The following CACNB4 variants were observed in gnomAD, a reference collection of about 807,000 sequenced individuals.
CACNB4 encodes the protein voltage-dependent L-type calcium channel subunit beta-4.
CACNB4 carries 32 observed loss-of-function variants against 71.2 expected under a neutral mutation model. That is an observed-to-expected ratio of 0.45 (90% CI 0.34 to 0.60). CACNB4 has a LOEUF of 0.60. Ranked by LOEUF, CACNB4 falls within the 20% of genes least tolerant of loss-of-function variation. The probability of loss-of-function intolerance (pLI) is 0.01; values close to 1 mark genes in which losing one functional copy is unlikely to be tolerated. For synonymous variants in CACNB4, 231 were observed against 236.9 expected, an observed-to-expected ratio of 0.97 and a Z score of 0.23; for missense variants, 464 against 647.9, an observed-to-expected ratio of 0.72 and a Z score of 3.08.
chr2:151,950,831 T>G (rs1320277173), intron 2 of CACNB4, among the ~76,000 whole-genome samples: 1 of 152,226 alleles, frequency 6.6e-6, no homozygotes, highest in Non-Finnish European at 1.5e-5. Context: ...AGTAACTGCT[T>G]AATGGGCACA....
chr2:151,898,883 T>C (rs1451107558), intron 2 of CACNB4, among the ~76,000 whole-genome samples: 3 of 152,154 alleles, frequency 2.0e-5, no homozygotes, highest in South Asian at 4.1e-4. Flanking sequence ...GAAATCCAAG[T>C]CCAGATGAAG....
At chr2:151,902,726 C>CT (rs896929559) in intron 2 of CACNB4, among the ~76,000 whole-genome samples, 8 of 151,714 alleles carry the variant, frequency 5.3e-5, no homozygotes, top group African/African-American at 1.9e-4. Context: ...TGGTTACTAA[C>CT]TTTTTTGTGG....
chr2:151,861,031 C>CA (rs1438218981), intron 9 of CACNB4: 3 of 525,992 alleles, frequency 5.7e-6, no homozygotes, highest in African/African-American at 2.0e-5. Flanking sequence ...GTTTCACACA[C>CA]AAAAAAACCT....
At chr2:151,957,395 A>C (rs977611111) in intron 2 of CACNB4, among the ~76,000 whole-genome samples, 1 of 151,766 alleles carries the variant, frequency 6.6e-6, no homozygotes, top group African/African-American at 2.4e-5. Flanking sequence ...AAGTTATTGA[A>C]TTTCAATTCA....
intron 2 of CACNB4, among the ~76,000 whole-genome samples, chr2:151,959,776 C>T (rs568841036): frequency 6.6e-6 from 1 of 152,072 alleles, no homozygotes; most frequent in South Asian, 2.1e-4. Flanking sequence ...ATTTCAAAAC[C>T]AAAGCAGAAC....
At chr2:151,942,265 T>C (rs2099864457) in intron 2 of CACNB4, among the ~76,000 whole-genome samples, 1 of 149,202 alleles carries the variant, frequency 6.7e-6, no homozygotes, top group Admixed American at 6.6e-5. Flanking sequence ...GCTGGAGCCG[T>C]GGCAGAGGAA....
Position 152,098,579 on chromosome 2 carries a change from C to CCCCCCCCTCCA in CACNB4, c.64-167_64-166insTGGAGGGGGGG. 1.1e-6 allele frequency: 1 copy of CCCCCCCCTCCA among 943,714 alleles called. No homozygotes were observed. The allele number at this position is 943,714 out of a possible 1,614,324, so 58.5% of individuals were successfully genotyped here. A position where few individuals can be genotyped will look rare whatever the true frequency, so the allele number is the denominator to read the frequency against. On this transcript the variant is annotated intron_variant, in intron 1 of 13. Transcript: ENST00000539935. This position sits in a 1 kb window ranked among gnomAD's most constrained non-coding sequence, Gnocchi z 5.3. ...CCCAAATACAGCCCCCACCCCCACC[C>CCCCCCCCTCCA]ACCCACTGCAAGCCTCGACTGCTGA...
At chr2:151,876,734 G>T (rs10166241) in intron 4 of CACNB4, among the ~76,000 whole-genome samples, 178 bp from the exon 5 acceptor site, 41 of 67,724 alleles carry the variant, frequency 6.1e-4, no homozygotes, top group Non-Finnish European at 1.1e-3. Context: ...CTATACTATA[G>T]ACTATATTTT....
intron 2 of CACNB4, among the ~76,000 whole-genome samples, chr2:151,900,991 C>CTTTTTTTTTT (rs869114252): frequency 2.2e-4 from 2 of 9,030 alleles, no homozygotes; most frequent in African/African-American, 2.6e-4. Context: ...TTCTTTCTTT[C>CTTTTTTTTTT]TTTTTTTTTT....
intron 2 of CACNB4, among the ~76,000 whole-genome samples, chr2:151,984,246 C>A (rs1164667810): frequency 1.3e-5 from 2 of 152,076 alleles, no homozygotes; most frequent in East Asian, 3.8e-4. Context: ...CACAAACAGT[C>A]CATTCCAAAA....
At chr2:151,934,281 G>A (rs1016385651) in intron 2 of CACNB4, among the ~76,000 whole-genome samples, 8 of 152,278 alleles carry the variant, frequency 5.3e-5, no homozygotes, top group South Asian at 4.1e-4. Context: ...AGTGAATGTC[G>A]CCGCTTGGTC....
intron 2 of CACNB4, among the ~76,000 whole-genome samples, chr2:151,895,561 T>G (rs1389779731): frequency 6.6e-6 from 1 of 152,108 alleles, no homozygotes. Context: ...TTAAGTTCAC[T>G]TTAAACCCTA....
chr2:151,857,524 A>T (rs1253327266), intron 10 of CACNB4: 1 of 152,202 alleles, frequency 6.6e-6, no homozygotes, highest in Non-Finnish European at 1.5e-5. Context: ...TTTCTTCAGA[A>T]GGAAGTTTGG....
At chr2:152,030,971 T>C (rs1421941714) in intron 2 of CACNB4, among the ~76,000 whole-genome samples, 1 of 152,172 alleles carries the variant, frequency 6.6e-6, no homozygotes, top group African/African-American at 2.4e-5. Flanking sequence ...GCCTCAGCCC[T>C]GGGCAGAAAA....
chr2:152,073,136 T>C (rs1438231860), intron 2 of CACNB4, among the ~76,000 whole-genome samples: 1 of 152,106 alleles, frequency 6.6e-6, no homozygotes, highest in East Asian at 1.9e-4. Flanking sequence ...GAGCAATATA[T>C]CACAAATGGC....
intron 4 of CACNB4, among the ~76,000 whole-genome samples, chr2:151,878,569 A>C: frequency 6.6e-6 from 1 of 151,400 alleles, no homozygotes; most frequent in Admixed American, 6.6e-5. Context: ...ACACACACAC[A>C]CACACACACA....
intron 2 of CACNB4, among the ~76,000 whole-genome samples, chr2:151,965,136 G>T (rs2099870740): frequency 6.6e-6 from 1 of 152,180 alleles, no homozygotes; most frequent in Non-Finnish European, 1.5e-5. Flanking sequence ...ATGATATTAA[G>T]CTATCAATAA....
At chr2:151,847,161 G>T (rs1344494863) in intron 12 of CACNB4, among the ~76,000 whole-genome samples, 1 of 146,898 alleles carries the variant, frequency 6.8e-6, no homozygotes, top group Non-Finnish European at 1.5e-5. Flanking sequence ...AGGAGGATTA[G>T]TTGAGCCCAG....
rs146220917 is a variant in CACNB4 at position 152,001,775 on chromosome 2, TGTTTACATGA to T, written c.147+96545_147+96554del. Among the ~76,000 whole-genome samples the T allele has an allele frequency of 8.4e-3, 1,264 of 150,962 alleles. 15 individuals are homozygous for T. Among genetic ancestry groups the T allele is most frequent in the African/African-American group, 0.029 (1,185 of 41,158 alleles). ...GGTAACAAGTGCTTCCGGAGGATGA[TGTTTACATGA>T]GTCTGGGATGTCAGGGAAGGAGCTT... On this transcript the variant is annotated intron_variant, in intron 2 of 13. Coordinates refer to ENST00000539935, the MANE Select transcript of CACNB4 (RefSeq NM_000726.5).
Sources: gnomAD v4.1 joint callset for allele counts (sites outside exome capture counted in the v4.1 genomes callset) on GRCh38, gnomAD v4.1.1 for gene constraint, Gnocchi (gnomAD v3.1) non-coding constraint, MANE v1.5 for transcripts, NCBI Gene and HGNC (gene_info 2026-07-23, HGNC 2026-07-21) for gene names.